The following DIAPH3 variants were observed in gnomAD, a reference collection of about 807,000 sequenced individuals.
DIAPH3 encodes protein diaphanous homolog 3.
In DIAPH3, 117 loss-of-function variants were observed where a neutral mutation model predicts 144.3. The ratio of observed to expected loss-of-function variants is 0.81; its 90% CI spans 0.70 to 0.95. The LOEUF is 0.95. DIAPH3 is among the 40% of genes least tolerant of loss of function. The pLI, the probability that DIAPH3 is intolerant of heterozygous loss-of-function variation, is 0.00. For synonymous variants in DIAPH3, 519 were observed against 488.9 expected (o/e 1.06, Z -0.81); for missense variants, 1,421 against 1,412.7 (o/e 1.01, Z -0.09).
intron 5 of DIAPH3, among the ~76,000 whole-genome samples, chr13:60,023,556 C>T (rs1340740678): frequency 1.3e-5 from 2 of 151,888 alleles, no homozygotes; most frequent in African/African-American, 4.8e-5. Flanking sequence ...GCCTTAGCCT[C>T]CTGAGTAGCT....
At chr13:60,049,595 TGGGTCCC>T (rs999792573) in intron 4 of DIAPH3, among the ~76,000 whole-genome samples, 4 of 152,214 alleles carry the variant, frequency 2.6e-5, no homozygotes, top group Non-Finnish European at 5.9e-5. Context: ...AGCCACGCAA[TGGGTCCC>T]TTCCCCCAGT....
chr13:59,972,370 C>T (rs1219286022), intron 15 of DIAPH3, among the ~76,000 whole-genome samples: 1 of 152,122 alleles, frequency 6.6e-6, no homozygotes, highest in Non-Finnish European at 1.5e-5. Context: ...ACAAAGAAGA[C>T]ATTCTGGGTT....
At chr13:59,785,565 G>A (rs1238086619) in intron 25 of DIAPH3, among the ~76,000 whole-genome samples, 2 of 152,118 alleles carry the variant, frequency 1.3e-5, no homozygotes, top group African/African-American at 4.8e-5. Context: ...GCTTAGCACA[G>A]TGCCCCCCAT....
At chr13:59,784,804 T>C (rs1566305133) in intron 25 of DIAPH3, among the ~76,000 whole-genome samples, 1 of 152,060 alleles carries the variant, frequency 6.6e-6, no homozygotes, top group Admixed American at 6.6e-5. Context: ...ACAAAATTCA[T>C]AGGCTTATAG....
chr13:59,697,340 G>A (rs2033860290), intron 27 of DIAPH3, among the ~76,000 whole-genome samples: 1 of 151,506 alleles, frequency 6.6e-6, no homozygotes, highest in African/African-American at 2.4e-5. Flanking sequence ...GGCGCCTGTA[G>A]TGCCAGCTGC....
At chr13:60,013,916 A>G (rs148679331) in intron 7 of DIAPH3, among the ~76,000 whole-genome samples, 2 of 152,288 alleles carry the variant, frequency 1.3e-5, no homozygotes, top group East Asian at 1.9e-4. Context: ...ACTTAAATTA[A>G]CTTTTTATTC....
chr13:59,901,373 T>A (rs1282001226), intron 20 of DIAPH3, among the ~76,000 whole-genome samples: 1 of 152,206 alleles, frequency 6.6e-6, no homozygotes, highest in African/African-American at 2.4e-5. Flanking sequence ...CCTTGCTGTT[T>A]GTGGTCTCTT....
chr13:59,981,747 A>C (rs2051036653), intron 13 of DIAPH3, among the ~76,000 whole-genome samples: 1 of 151,450 alleles, frequency 6.6e-6, no homozygotes, highest in East Asian at 1.9e-4. Context: ...TCCAAATCTT[A>C]ATCACACTTC....
rs780389078 is a variant in DIAPH3 at position 59,971,178 on chromosome 13, A to C, written c.1651-18T>G. On this transcript the variant is annotated intron_variant, in intron 15 of 27. Transcript: ENST00000400324. The stretch of plus-strand genomic sequence containing the variant: ...GCACCAAACTGGAGAAAAAAACAAT[A>C]AGAGACATAACTAAGAACATATCTA... 2 of 1,554,796 alleles carry C rather than the reference A, an allele frequency of 1.3e-6. No homozygotes were observed. The highest frequency in any genetic ancestry group is 1.7e-6 in the Non-Finnish European group (2 of 1,148,542).
chr13:59,913,221 A>T (rs1024455223), intron 19 of DIAPH3, among the ~76,000 whole-genome samples: 1 of 152,054 alleles, frequency 6.6e-6, no homozygotes, highest in Admixed American at 6.6e-5. Flanking sequence ...TGAATTTTTT[A>T]ATTTTTTCAC....
At chr13:60,037,960 C>A (rs1054703506) in intron 5 of DIAPH3, among the ~76,000 whole-genome samples, 2 of 152,020 alleles carry the variant, frequency 1.3e-5, no homozygotes, top group African/African-American at 4.8e-5. Context: ...GGAAATACAA[C>A]TCTCAGAAGA....
At chr13:59,955,105 T>C (rs28816394) in intron 17 of DIAPH3, among the ~76,000 whole-genome samples, 1 of 151,324 alleles carries the variant, frequency 6.6e-6, no homozygotes, top group Non-Finnish European at 1.5e-5. Context: ...CATGTATATA[T>C]ACACACACAC....
chr13:60,041,674 A>AAC (rs141994639), intron 5 of DIAPH3, among the ~76,000 whole-genome samples: 139 of 151,674 alleles, frequency 9.2e-4, no homozygotes, highest in African/African-American at 2.7e-3. Flanking sequence ...TAGCCTTCAG[A>AAC]ACACACACAC....
At chr13:59,984,093 A>G (rs1450391088) in intron 12 of DIAPH3, among the ~76,000 whole-genome samples, 1 of 151,682 alleles carries the variant, frequency 6.6e-6, no homozygotes, top group Non-Finnish European at 1.5e-5. Flanking sequence ...CATCATTTTT[A>G]TAGTCTTTTA....
At chr13:60,054,232 CT>C (rs1304627411) in intron 4 of DIAPH3, among the ~76,000 whole-genome samples, 6 of 151,836 alleles carry the variant, frequency 4.0e-5, no homozygotes, top group African/African-American at 1.4e-4. Context: ...TATATAGCCT[CT>C]AGAGATTAAA....
chr13:60,134,432 T>C (rs901869452), intron 1 of DIAPH3, among the ~76,000 whole-genome samples: 3 of 152,188 alleles, frequency 2.0e-5, no homozygotes, highest in African/African-American at 7.2e-5. Flanking sequence ...TGTAAGGAAC[T>C]TAGGGCCACA....
At chr13:60,122,697 A>G (rs1295503700) in intron 2 of DIAPH3, among the ~76,000 whole-genome samples, 1 of 152,192 alleles carries the variant, frequency 6.6e-6, no homozygotes, top group Non-Finnish European at 1.5e-5. Context: ...TGCCTTTTAT[A>G]TATTCAATAG....
chr13:59,704,267 A>G (rs2034290545), intron 27 of DIAPH3, among the ~76,000 whole-genome samples: 1 of 152,220 alleles, frequency 6.6e-6, no homozygotes, highest in East Asian at 1.9e-4. Flanking sequence ...CCAAAGCGGT[A>G]GCCCTCTGCC....
At chr13:59,761,501 T>G (rs1257718664) in intron 27 of DIAPH3, among the ~76,000 whole-genome samples, 1 of 152,176 alleles carries the variant, frequency 6.6e-6, no homozygotes, top group Non-Finnish European at 1.5e-5. Context: ...TTTCGCACAT[T>G]AAGAATGACA....
Sources: allele counts gnomAD v4.1 joint callset (sites outside exome capture counted in the v4.1 genomes callset), GRCh38; gene constraint gnomAD v4.1.1; transcripts MANE v1.5; gene names NCBI Gene and HGNC (gene_info 2026-07-23, HGNC 2026-07-21).